The following GAL variants were observed in gnomAD, a reference collection of about 807,000 sequenced individuals.
GAL encodes the protein galanin peptides.
In GAL, 14 loss-of-function variants were observed where a neutral mutation model predicts 15.8. That is an observed-to-expected ratio of 0.89 (90% confidence interval 0.59 to 1.39). GAL has a LOEUF of 1.39. Ranked by LOEUF, GAL falls within the 40% of genes most tolerant of loss-of-function variation. The probability of loss-of-function intolerance (pLI) is 0.00; values close to 1 mark genes in which losing one functional copy is unlikely to be tolerated. For synonymous variants in GAL, 79 were observed against 73.8 expected (o/e 1.07, Z -0.36); for missense variants, 176 against 170.4 (o/e 1.03, Z -0.18).
In GAL at chr11:68,688,042, C is replaced by T. The variant is rs759813787; in HGVS notation, c.165C>T (p.Ser55=). ...CCGTTGGCAACCACAGGTCATTCAG[C>T]GACAAGAATGGCCTCACCAGCAAGC... is the stretch of plus-strand genomic sequence containing the variant. ...PHAVGNHRSF[S]DKNGLTSKRE... The change falls in exon 4 of 6, where the codon AGC becomes AGT. Residue 55 remains serine, a synonymous_variant. Transcript: ENST00000265643. The T allele has an allele frequency of 6.2e-6, 10 of 1,612,446 alleles. No homozygotes were observed. Among genetic ancestry groups the T allele is most frequent in the East Asian group, 2.2e-5 (1 of 44,886 alleles).
chr11:68,686,867 G>A (rs548411158), intron 3 of GAL, among the ~76,000 whole-genome samples: 1 of 152,310 alleles, frequency 6.6e-6, no homozygotes, highest in South Asian at 2.1e-4. Context: ...ACATTTATCT[G>A]TGTTGCTTTG....
intron 5 of GAL, among the ~76,000 whole-genome samples, chr11:68,689,160 C>T (rs553680464): frequency 2.5e-4 from 38 of 151,924 alleles, no homozygotes; most frequent in Non-Finnish European, 4.0e-4. Context: ...ATCGGGCCAG[C>T]GCTGGTCCCA....
intron 1 of GAL, 23 bp downstream of exon 1, chr11:68,684,755 C>A (rs901738700): frequency 5.0e-5 from 26 of 521,346 alleles, no homozygotes; most frequent in Non-Finnish European, 8.2e-5. Context: ...CCGGGCCGAC[C>A]CTGCGCCCCC....
At chr11:68,685,512 A>T in intron 2 of GAL, 82 bp from the exon 3 acceptor site, 1 of 938,242 alleles carries the variant, frequency 1.1e-6, no homozygotes, top group South Asian at 1.3e-5. Context: ...GTCCTCTGCC[A>T]TGCCGGGAAA....
chr11:68,688,869 C>T lies in GAL; in HGVS notation c.244C>T (p.Pro82Ser). Residue 82 changes from proline to serine, a missense_variant, in exon 5 of 6, where the codon CCT becomes TCT. Pro to Ser is a moderately conservative substitution (Grantham distance 74). Coordinates refer to ENST00000265643, the MANE Select transcript of GAL (RefSeq NM_015973.5). ...TCTAGGAAGCTTTGACAGGTCCATA[C>T]CTGAAAACAATATCATGCGCACAAT... ...MKPGSFDRSIPENNIMRTIIE... is the reference protein window; with the variant it reads ...MKPGSFDRSISENNIMRTIIE... 2.6e-6 allele frequency: 4 copies of T among 1,565,010 alleles called. No homozygotes were observed. The highest frequency in any genetic ancestry group is 1.7e-5 in the Admixed American group (1 of 59,954).
chr11:68,688,767 G>C (rs1176653562), intron 4 of GAL, 82 bp from the exon 5 acceptor site: 4 of 748,174 alleles, frequency 5.3e-6, no homozygotes, highest in Non-Finnish European at 9.8e-6. Context: ...GCAGCGCCCA[G>C]CTCCTCTGTA....
chr11:68,685,728 C>T (rs1310835925), intron 3 of GAL, 80 bp downstream of exon 3: 1 of 989,252 alleles, frequency 1.0e-6, no homozygotes, highest in East Asian at 2.5e-5. Context: ...GCCCCTCCGC[C>T]TGCGGCTGGG....
chr11:68,690,822 AC>A lies in GAL; in HGVS notation c.302-93del, dbSNP rs1945897743. On this transcript the variant is annotated intron_variant, in intron 5 of 5. Coordinates refer to ENST00000265643, the MANE Select transcript of GAL (RefSeq NM_015973.5). The stretch of plus-strand genomic sequence containing the variant: ...CTGGTAAGAATCTTTACAGAGGACG[AC>A]CACACGCCGCTTCCTGTAGCATGTG... 4 of 818,488 alleles carry A rather than the reference AC, an allele frequency of 4.9e-6. No homozygotes were observed. The East Asian group carries it at 9.8e-5, about 20-fold the overall frequency. The allele number at this position is 818,488 out of a possible 1,614,324, so 50.7% of individuals were successfully genotyped here. A position where few individuals can be genotyped will look rare whatever the true frequency, so the allele number is the denominator to read the frequency against.
intron 5 of GAL, among the ~76,000 whole-genome samples, chr11:68,689,161 G>A (rs941570210): frequency 6.6e-6 from 1 of 152,034 alleles, no homozygotes. Flanking sequence ...TCGGGCCAGC[G>A]CTGGTCCCAG....
chr11:68,684,711 C>T lies in GAL; in HGVS notation c.-22C>T. On this transcript the variant is annotated 5_prime_UTR_variant, in exon 1 of 6. Transcript: ENST00000265643. ...GCACCCGGACCCCGACGCTCCGAAC[C>T]CGGGCGCAGCCGCAGCTCAAGGTAC... The T allele has an allele frequency of 2.4e-6, 1 of 425,402 alleles. No individual in the cohort carries two copies. The highest frequency in any genetic ancestry group is 3.6e-5 in the East Asian group (1 of 27,558). The allele number at this position is 425,402 out of a possible 1,614,324, so 26.4% of individuals were successfully genotyped here.
In GAL at chr11:68,685,525, C is replaced by G. The variant is rs1008673104; in HGVS notation, c.82-69C>G. 3.2e-5 allele frequency: 34 copies of G among 1,070,774 alleles called. No homozygotes were observed. In the Admixed American group the frequency reaches 5.2e-4, roughly 16 times the overall value. 66.3% of individuals were successfully genotyped at this position (1,070,774 alleles called of 1,614,324 possible). ...AAGTCCTCTGCCATGCCGGGAAAGC[C>G]TGGGTGCACCCATTCAGCATAGGCT... On this transcript the variant is annotated intron_variant, in intron 2 of 5. Coordinates refer to ENST00000265643, the MANE Select transcript of GAL (RefSeq NM_015973.5).
intron 3 of GAL, 99 bp from the exon 4 acceptor site, chr11:68,687,915 T>C (rs1182889610): frequency 2.7e-6 from 2 of 735,220 alleles, no homozygotes; most frequent in African/African-American, 3.4e-5. Flanking sequence ...GAGTTGCGTG[T>C]GTGTGTTGGC....
intron 1 of GAL, 49 bp downstream of exon 1, chr11:68,684,781 C>T: frequency 1.9e-6 from 1 of 533,848 alleles, no homozygotes. Context: ...GCCTCCCCTT[C>T]GGCTTTCCTC....
At chr11:68,685,694 C>A (rs1204700050) in intron 3 of GAL, 46 bp downstream of exon 3, 2 of 1,428,794 alleles carry the variant, frequency 1.4e-6, no homozygotes, top group Non-Finnish European at 9.8e-7. Context: ...CCCCACCTGC[C>A]CCTCGCTTTG....
Position 68,688,119 on chromosome 11 carries a change from C to T in GAL, c.223+19C>T, listed in dbSNP as rs551481821. The T allele has an allele frequency of 3.7e-5, 57 of 1,526,900 alleles. No individual in the cohort carries two copies. Among genetic ancestry groups the T allele is most frequent in the Admixed American group, 8.4e-5 (5 of 59,860 alleles). 94.6% of individuals were successfully genotyped at this position (1,526,900 alleles called of 1,614,324 possible). The stretch of plus-strand genomic sequence containing the variant: ...AAACCAGGTGAGAGGACTCCTATCC[C>T]GGGCCCCGGGGCACCTCACTTCCAC... On this transcript the variant is annotated intron_variant, in intron 4 of 5. Transcript: ENST00000265643.
chr11:68,686,752 C>T (rs1029436747), intron 3 of GAL, among the ~76,000 whole-genome samples: 1 of 152,242 alleles, frequency 6.6e-6, no homozygotes, highest in African/African-American at 2.4e-5. Flanking sequence ...GCCTGAGGGT[C>T]GGCTGATTTC....
At chr11:68,684,821 G>A in intron 1 of GAL, 89 bp downstream of exon 1, 1 of 692,148 alleles carries the variant, frequency 1.4e-6, no homozygotes, top group Non-Finnish European at 2.5e-6. Flanking sequence ...CAGGGCCCTG[G>A]CCCGGCCGCC....
In GAL at chr11:68,691,027, A is replaced by T; in HGVS notation, c.*40A>T. The T allele has an allele frequency of 8.0e-7, 1 of 1,250,772 alleles. No individual in the cohort carries two copies. Among genetic ancestry groups the T allele is most frequent in the South Asian group, 1.2e-5 (1 of 83,958 alleles). The allele number at this position is 1,250,772 out of a possible 1,614,324, so 77.5% of individuals were successfully genotyped here. A position where few individuals can be genotyped will look rare whatever the true frequency, so the allele number is the denominator to read the frequency against. On this transcript the variant is annotated 3_prime_UTR_variant, in exon 6 of 6. Transcript: ENST00000265643. ...TGTTTGTCTGTGTGCTGTAACCTGA[A>T]GTCAAACCTTAAGATAATGGATAAT...
intron 3 of GAL, among the ~76,000 whole-genome samples, chr11:68,687,330 G>A (rs1464506324): frequency 6.6e-6 from 1 of 151,854 alleles, no homozygotes; most frequent in Non-Finnish European, 1.5e-5. Flanking sequence ...ACGCCTCTTG[G>A]TTTACAGCCT....
Sources: gnomAD v4.1 joint callset for allele counts (sites outside exome capture counted in the v4.1 genomes callset) on GRCh38, gnomAD v4.1.1 for gene constraint, MANE v1.5 for transcripts, NCBI Gene and HGNC (gene_info 2026-07-23, HGNC 2026-07-21) for gene names.